The following ROBO2 variants were observed in gnomAD, a reference collection of about 807,000 sequenced individuals.
ROBO2 encodes roundabout homolog 2.
A neutral mutation model predicts 160.8 loss-of-function variants in ROBO2; 53 were observed. The ratio of observed to expected loss-of-function variants is 0.33; its 90% CI spans 0.26 to 0.41. The LOEUF is 0.41. Ranked by LOEUF, ROBO2 falls within the 10% of genes least tolerant of loss-of-function variation. The probability of loss-of-function intolerance (pLI) is 1.00; values close to 1 mark genes in which losing one functional copy is unlikely to be tolerated. For synonymous variants in ROBO2, 664 were observed against 611.7 expected (o/e 1.09, Z -1.26); for missense variants, 1,577 against 1,722.4 (o/e 0.92, Z 1.49).
intron 2 of ROBO2, among the ~76,000 whole-genome samples, chr3:76,739,309 G>A (rs1457803309): frequency 7.2e-5 from 11 of 152,108 alleles, no homozygotes; most frequent in Non-Finnish European, 1.5e-4. Context: ...CATAAAAAAT[G>A]ATGAGTTCAT....
At chr3:77,396,848 G>A (rs1302554192) in intron 2 of ROBO2, among the ~76,000 whole-genome samples, 2 of 152,126 alleles carry the variant, frequency 1.3e-5, no homozygotes, top group African/African-American at 2.4e-5. Flanking sequence ...AATTTATTCC[G>A]TGATACTATG....
intron 2 of ROBO2, among the ~76,000 whole-genome samples, chr3:76,469,782 T>C (rs185147745): frequency 2.6e-5 from 4 of 152,214 alleles, no homozygotes; most frequent in African/African-American, 7.2e-5. Flanking sequence ...TACTGGTTTC[T>C]TTTTCTCTAC....
intron 2 of ROBO2, among the ~76,000 whole-genome samples, chr3:76,991,301 G>T (rs1247104762): frequency 6.6e-6 from 1 of 152,154 alleles, no homozygotes; most frequent in Non-Finnish European, 1.5e-5. Context: ...AAAGAGTTAA[G>T]TCAAACTATT....
rs973527707 is a variant in ROBO2, at chr3:76,617,855, G to T, written c.110-480159G>T. ...GAAGGCACTTCACAGTGAGGCAGGAGAGAGAATGAGAGCTTAGCAAAGGAG... is the reference window on the plus strand; with the variant it reads ...GAAGGCACTTCACAGTGAGGCAGGATAGAGAATGAGAGCTTAGCAAAGGAG... On this transcript the variant is annotated intron_variant, in intron 2 of 26. Coordinates refer to the ROBO2 transcript ENST00000487694. Among the ~76,000 whole-genome samples the T allele has an allele frequency of 2.0e-5, 3 of 151,640 alleles. 1 individual carries two copies. The South Asian group carries it at 6.3e-4, about 32-fold the overall frequency.
chr3:77,395,673 A>G (rs1390897971), intron 2 of ROBO2, among the ~76,000 whole-genome samples: 3 of 152,118 alleles, frequency 2.0e-5, no homozygotes, highest in Admixed American at 1.3e-4. Flanking sequence ...TCTAAATGTA[A>G]TCGTGTATGA....
intron 2 of ROBO2, among the ~76,000 whole-genome samples, chr3:76,757,332 T>G (rs1309071206): frequency 6.6e-6 from 1 of 150,706 alleles, no homozygotes; most frequent in Non-Finnish European, 1.5e-5. Context: ...ACTTTTAGGT[T>G]GTACATCCAA....
rs1039499771 is a variant in ROBO2 at position 76,160,467 on chromosome 3, C to G, written c.109+222865C>G. On this transcript the variant is annotated intron_variant, in intron 2 of 26. Coordinates refer to the ROBO2 transcript ENST00000487694. ...TTTTGCTTTTAATTGTTGGTCATCC[C>G]CATTAGGACATGTACAAGATGATTT... 4.6e-5 allele frequency among the ~76,000 whole-genome samples: 7 copies of G among 152,132 alleles called. No individual in the cohort carries two copies. The South Asian group carries it at 8.3e-4, about 18-fold the overall frequency.
chr3:76,185,521 G>A (rs963172309), intron 2 of ROBO2, among the ~76,000 whole-genome samples: 1 of 151,958 alleles, frequency 6.6e-6, no homozygotes, highest in African/African-American at 2.4e-5. Flanking sequence ...AGCATGGGAA[G>A]AGAGGAGAAA....
chr3:77,046,092 A>G (rs1312924183), intron 1 of ROBO2, among the ~76,000 whole-genome samples: 2 of 152,194 alleles, frequency 1.3e-5, no homozygotes, highest in African/African-American at 4.8e-5. Context: ...TTGTGTGAAC[A>G]TATGTCTTCA....
intron 2 of ROBO2, among the ~76,000 whole-genome samples, chr3:77,473,481 A>G (rs1367789243): frequency 7.4e-5 from 6 of 80,654 alleles, no homozygotes; most frequent in Non-Finnish European, 1.4e-4. Context: ...TTTTTTTGAG[A>G]CAAAGTCTCG....
chr3:76,719,567 G>A (rs1240726392), intron 2 of ROBO2, among the ~76,000 whole-genome samples: 3 of 152,138 alleles, frequency 2.0e-5, no homozygotes, highest in African/African-American at 7.2e-5. Flanking sequence ...TCTGAATTTT[G>A]TTGTTAACAA....
intron 1 of ROBO2, among the ~76,000 whole-genome samples, chr3:77,059,529 G>C (rs1388239335): frequency 1.3e-5 from 2 of 152,162 alleles, no homozygotes; most frequent in Non-Finnish European, 2.9e-5. Context: ...GGTTACAGTG[G>C]AAAGACCCTA....
At chr3:76,426,708 A>G (rs546257185) in intron 2 of ROBO2, among the ~76,000 whole-genome samples, 1 of 152,208 alleles carries the variant, frequency 6.6e-6, no homozygotes, top group South Asian at 2.1e-4. Context: ...ACATAATTAA[A>G]TGTGCTTGTA....
intron 2 of ROBO2, among the ~76,000 whole-genome samples, chr3:77,145,243 G>A (rs2077028795): frequency 6.6e-6 from 1 of 152,146 alleles, no homozygotes; most frequent in Non-Finnish European, 1.5e-5. Flanking sequence ...CTAAGTAAAA[G>A]TGATCTGTGA....
chr3:76,080,610 G>A (rs577449491), intron 2 of ROBO2, among the ~76,000 whole-genome samples: 1 of 152,224 alleles, frequency 6.6e-6, no homozygotes, highest in Non-Finnish European at 1.5e-5. Flanking sequence ...GATCATGTAT[G>A]TCTGCTCACT....
chr3:76,141,159 C>CTCTCTCTATATATATA (rs1364431015), intron 2 of ROBO2, among the ~76,000 whole-genome samples: 3 of 9,174 alleles, frequency 3.3e-4, no homozygotes, highest in African/African-American at 8.6e-4. Context: ...CTCTCTCTCT[C>CTCTCTCTATATATATA]TATATATATA....
chr3:76,059,122 G>A (rs2067973565), intron 2 of ROBO2, among the ~76,000 whole-genome samples: 1 of 151,766 alleles, frequency 6.6e-6, no homozygotes, highest in Admixed American at 6.6e-5. Flanking sequence ...GTGTGCATGT[G>A]TCTTTATGGC....
intron 17 of ROBO2, among the ~76,000 whole-genome samples, chr3:77,590,108 T>A (rs1385110090): frequency 6.6e-6 from 1 of 152,170 alleles, no homozygotes; most frequent in East Asian, 1.9e-4. Context: ...TGCATTTATA[T>A]GTTTATGATC....
At chr3:77,575,709 C>T (rs187857895) in intron 14 of ROBO2, among the ~76,000 whole-genome samples, 1 of 152,154 alleles carries the variant, frequency 6.6e-6, no homozygotes, top group Admixed American at 6.6e-5. Context: ...TTTCTCCTTG[C>T]CAACATGTTT....
Sources: allele counts gnomAD v4.1 joint callset (sites outside exome capture counted in the v4.1 genomes callset), GRCh38; gene constraint gnomAD v4.1.1; transcripts MANE v1.5; gene names NCBI Gene and HGNC (gene_info 2026-07-23, HGNC 2026-07-21).